Variants in ELMO1 observed in about 807,000 individuals in gnomAD.
The protein encoded by ELMO1 is engulfment and cell motility 1, also known as engulfment and cell motility protein 1.
ELMO1 carries 26 observed loss-of-function variants against 98.9 expected under a neutral mutation model. The ratio of observed to expected loss-of-function variants is 0.26; its 90% CI spans 0.19 to 0.36. The LOEUF is 0.36. Ranked by LOEUF, ELMO1 falls within the 10% of genes least tolerant of loss-of-function variation. The pLI is 1.00. For synonymous variants in ELMO1, 346 were observed against 346.0 expected (o/e 1.00, Z 0.00); for missense variants, 627 against 935.2 (o/e 0.67, Z 4.30).
chr7:37,312,577 A>T (rs1050991496), intron 4 of ELMO1, among the ~76,000 whole-genome samples: 8 of 151,968 alleles, frequency 5.3e-5, no homozygotes, highest in Admixed American at 4.6e-4. Flanking sequence ...AGTCCCACTC[A>T]CTCTGAGTCT....
chr7:37,363,696 G>T (rs1005024856), intron 1 of ELMO1, among the ~76,000 whole-genome samples: 1 of 152,010 alleles, frequency 6.6e-6, no homozygotes, highest in African/African-American at 2.4e-5. Flanking sequence ...TTCATTTTTT[G>T]CTAGAAGGGG....
At chr7:37,074,420 G>C (rs1797451535) in intron 15 of ELMO1, among the ~76,000 whole-genome samples, 1 of 152,136 alleles carries the variant, frequency 6.6e-6, no homozygotes, top group Non-Finnish European at 1.5e-5. Flanking sequence ...AATAACTCAT[G>C]ATTCACTTTT....
In ELMO1 at chr7:36,871,582, C is replaced by T. The variant is rs538690484; in HGVS notation, c.1823-1107G>A. Among the ~76,000 whole-genome samples the T allele has an allele frequency of 5.9e-5, 9 of 152,200 alleles. No homozygotes were observed. The South Asian group carries it at 1.9e-3, about 32-fold the overall frequency. On this transcript the variant is annotated intron_variant, in intron 19 of 21. Coordinates refer to ENST00000310758, the MANE Select transcript of ELMO1 (RefSeq NM_014800.11). ...CAAGAATTTGGGATGTGTGAGAATGCCAAGTAATCAATTCCTTAGACTCTC... is the reference window on the plus strand; with the variant it reads ...CAAGAATTTGGGATGTGTGAGAATGTCAAGTAATCAATTCCTTAGACTCTC...
chr7:37,430,641 C>T (rs1369759218), intron 1 of ELMO1, among the ~76,000 whole-genome samples: 1 of 152,250 alleles, frequency 6.6e-6, no homozygotes, highest in East Asian at 1.9e-4. Context: ...CCATCCCTTT[C>T]AACCCGCGAT....
intron 5 of ELMO1, among the ~76,000 whole-genome samples, chr7:37,267,867 T>C (rs1379827496): frequency 6.6e-6 from 1 of 152,256 alleles, no homozygotes; most frequent in Non-Finnish European, 1.5e-5. Flanking sequence ...TCAATTATTT[T>C]TTCCAATGTT....
intron 1 of ELMO1, among the ~76,000 whole-genome samples, chr7:37,349,454 TTTTC>T (rs1253903468): frequency 1.3e-5 from 2 of 152,114 alleles, no homozygotes; most frequent in Admixed American, 6.5e-5. Context: ...TTCACTTTTT[TTTTC>T]TTTTTCTTTT....
rs926748860 is a variant in ELMO1, at chr7:36,853,795, G to A, written c.*1756C>T. 6.6e-6 allele frequency among the ~76,000 whole-genome samples: 1 copy of A among 152,162 alleles called. No individual in the cohort carries two copies. Among genetic ancestry groups the A allele is most frequent in the African/African-American group, 2.4e-5 (1 of 41,436 alleles). On this transcript the variant is annotated 3_prime_UTR_variant, in exon 22 of 22. Coordinates refer to ENST00000310758, the MANE Select transcript of ELMO1 (RefSeq NM_014800.11). ...TGCCACGCTTAATACTGCATGCTTG[G>A]ACCCTTCTGACATCCCTCCCAGTGC... is the stretch of plus-strand genomic sequence containing the variant.
intron 1 of ELMO1, among the ~76,000 whole-genome samples, chr7:37,350,930 T>C (rs1466801413): frequency 2.0e-5 from 3 of 152,174 alleles, no homozygotes; most frequent in East Asian, 1.9e-4. Context: ...CCAACACTGA[T>C]AACACCTTGA....
intron 1 of ELMO1, among the ~76,000 whole-genome samples, chr7:37,359,061 T>C (rs1214581456): frequency 6.6e-6 from 1 of 152,200 alleles, no homozygotes; most frequent in Admixed American, 6.5e-5. Flanking sequence ...TTTACTGAGA[T>C]AGGACTACTC....
intron 13 of ELMO1, among the ~76,000 whole-genome samples, chr7:37,179,076 C>A (rs987431326): frequency 1.3e-5 from 2 of 151,968 alleles, no homozygotes; most frequent in African/African-American, 4.8e-5. Flanking sequence ...TTAGCATTGC[C>A]GGAAGCTAGG....
At chr7:37,397,196 AC>A (rs1441839174) in intron 1 of ELMO1, among the ~76,000 whole-genome samples, 1 of 152,218 alleles carries the variant, frequency 6.6e-6, no homozygotes, top group African/African-American at 2.4e-5. Context: ...ACAACATAAG[AC>A]CCACAAAAAA....
chr7:36,981,319 A>G (rs1205360996), intron 16 of ELMO1, among the ~76,000 whole-genome samples: 3 of 151,802 alleles, frequency 2.0e-5, no homozygotes, highest in Admixed American at 6.5e-5. Flanking sequence ...GTTTTGATCT[A>G]GTTATTGAAG....
intron 13 of ELMO1, among the ~76,000 whole-genome samples, chr7:37,162,557 CAAAT>C (rs1299618812): frequency 2.6e-5 from 4 of 152,188 alleles, no homozygotes; most frequent in African/African-American, 9.7e-5. Flanking sequence ...TGTCAACCTA[CAAAT>C]ATATACCATA....
At chr7:37,231,910 T>C (rs939823477) in intron 8 of ELMO1, among the ~76,000 whole-genome samples, 6 of 152,150 alleles carry the variant, frequency 3.9e-5, no homozygotes, top group East Asian at 3.8e-4. Context: ...TGGAGTGTAG[T>C]GGTGCAATGT....
intron 15 of ELMO1, among the ~76,000 whole-genome samples, chr7:37,078,119 A>G (rs1271143291): frequency 3.9e-5 from 6 of 152,316 alleles, no homozygotes; most frequent in Non-Finnish European, 1.5e-5. Context: ...TTTAAGTTCA[A>G]TTTAAATCAG....
At chr7:37,257,104 A>G (rs1795705545) in intron 6 of ELMO1, among the ~76,000 whole-genome samples, 1 of 152,170 alleles carries the variant, frequency 6.6e-6, no homozygotes, top group Non-Finnish European at 1.5e-5. Context: ...CCTAGCAGGC[A>G]TTCAGCATTC....
intron 14 of ELMO1, among the ~76,000 whole-genome samples, chr7:37,108,335 C>T (rs1325098668): frequency 6.6e-6 from 1 of 152,164 alleles, no homozygotes; most frequent in Non-Finnish European, 1.5e-5. Context: ...CTCCCTGACA[C>T]ACTGCCCCTC....
intron 4 of ELMO1, among the ~76,000 whole-genome samples, chr7:37,278,113 C>CTTTTTTTTTTTTTTTTTTTTTTT (rs36110041): frequency 1.2e-5 from 1 of 85,608 alleles, no homozygotes; most frequent in African/African-American, 4.7e-5. Context: ...ATAGCTTTTC[C>CTTTTTTTTTTTTTTTTTTTTTTT]TTTTTTTTTT....
chr7:37,244,973 C>T (rs913549198), intron 6 of ELMO1, among the ~76,000 whole-genome samples: 6 of 152,036 alleles, frequency 3.9e-5, no homozygotes, highest in African/African-American at 1.5e-4. Context: ...GATACTTATG[C>T]TTTTTTAAAA....
Sources: gnomAD v4.1 joint callset for allele counts (sites outside exome capture counted in the v4.1 genomes callset) on GRCh38, gnomAD v4.1.1 for gene constraint, MANE v1.5 for transcripts, NCBI Gene and HGNC (gene_info 2026-07-23, HGNC 2026-07-21) for gene names.